The following ZNF782 variants were observed in gnomAD, a reference collection of about 807,000 sequenced individuals.
The protein encoded by ZNF782 is zinc finger protein 782.
In ZNF782, 12 loss-of-function variants were observed where a neutral mutation model predicts 13.0. That is an observed-to-expected ratio of 0.92 (90% CI 0.59 to 1.50). ZNF782 has a LOEUF of 1.50. ZNF782 is among the 40% of genes most tolerant of loss of function. The probability of loss-of-function intolerance (pLI) is 0.00; values close to 1 mark genes in which losing one functional copy is unlikely to be tolerated. For missense variants in ZNF782, 770 were observed against 822.9 expected (o/e 0.94, Z 0.79); for synonymous variants, 284 against 283.0 (o/e 1.00, Z -0.04).
chr9:96,844,115 A>G (rs971059756), intron 4 of ZNF782, among the ~76,000 whole-genome samples: 2 of 152,194 alleles, frequency 1.3e-5, no homozygotes, highest in African/African-American at 4.8e-5. Context: ...CCAAAGAGTA[A>G]TGAGAACTCA....
chr9:96,917,887 CGTGTGTGTGTGTGTGTGTGT>C, the ZNF782 span, among the ~76,000 whole-genome samples: 3 of 121,682 alleles, frequency 2.5e-5, no homozygotes, highest in African/African-American at 1.1e-4. Context: ...CCACCCTTGG[CGTGTGTGTGTGTGTGTGTGT>C]GTGTGTGTGT....
At chr9:96,893,253 G>T in the ZNF782 span, 12,115 of 152,148 alleles carry the variant, frequency 0.08, 1,453 homozygotes, top group African/African-American at 0.26. Flanking sequence ...GGGCAGAAAA[G>T]AATTAGAACA....
the ZNF782 span, chr9:96,890,983 G>A: frequency 5.3e-5 from 8 of 152,194 alleles, no homozygotes; most frequent in African/African-American, 1.9e-4. Context: ...TGTAAAACAT[G>A]AATGAACCTT....
At chr9:96,887,324 A>AGGGAGGGAGGGAG in the ZNF782 span, 1 of 150,642 alleles carries the variant, frequency 6.6e-6, no homozygotes, top group African/African-American at 2.5e-5. Flanking sequence ...GAAGGAAGGA[A>AGGGAGGGAGGGAG]GGAAGGAAGG....
chr9:96,914,956 G>A, the ZNF782 span, among the ~76,000 whole-genome samples: 2 of 149,896 alleles, frequency 1.3e-5, no homozygotes, highest in African/African-American at 4.9e-5. Flanking sequence ...CCTGAGAGAC[G>A]AAAGCACCAT....
At chr9:96,841,323 A>G (rs1564006233) in intron 4 of ZNF782, among the ~76,000 whole-genome samples, 1 of 152,006 alleles carries the variant, frequency 6.6e-6, no homozygotes, top group Non-Finnish European at 1.5e-5. Context: ...TTTAATGAAG[A>G]ATAAACACCA....
At chr9:96,858,291 G>A (rs1447614103), upstream of ZNF782, among the ~76,000 whole-genome samples, 1 of 152,196 alleles carries the variant, frequency 6.6e-6, no homozygotes, top group African/African-American at 2.4e-5. This position sits in a 1 kb window ranked among gnomAD's most constrained non-coding sequence, Gnocchi z 4.4. Flanking sequence ...TGAGTTAGAA[G>A]CTCTCCTCAG....
At chr9:96,848,716 T>C (rs1207479127) in intron 3 of ZNF782, among the ~76,000 whole-genome samples, 3 of 152,178 alleles carry the variant, frequency 2.0e-5, no homozygotes, top group South Asian at 4.1e-4. Context: ...TGCTCATGGA[T>C]TGGAAGAATC....
chr9:96,869,465 C>T (rs1464977884), intron 1 of ZNF782, among the ~76,000 whole-genome samples: 3 of 152,084 alleles, frequency 2.0e-5, no homozygotes, highest in African/African-American at 7.2e-5. Context: ...CTGTAATATA[C>T]CACAGTGCAG....
upstream of ZNF782, among the ~76,000 whole-genome samples, chr9:96,880,614 G>A (rs1851950553): frequency 2.0e-5 from 3 of 152,256 alleles, no homozygotes; most frequent in African/African-American, 7.2e-5. Context: ...TATTGAACCA[G>A]CCTTGCATTT....
intron 4 of ZNF782, among the ~76,000 whole-genome samples, chr9:96,839,859 A>G (rs1369179974): frequency 6.6e-6 from 1 of 152,080 alleles, no homozygotes; most frequent in Non-Finnish European, 1.5e-5. Context: ...TGTCCATTTT[A>G]TAGTTGCATA....
At chr9:96,920,490 T>A in the ZNF782 span, among the ~76,000 whole-genome samples, 48 of 147,186 alleles carry the variant, frequency 3.3e-4, no homozygotes, top group African/African-American at 1.2e-3. Context: ...ATGGTTTCGA[T>A]CTCCTGACCT....
intron 4 of ZNF782, among the ~76,000 whole-genome samples, chr9:96,844,647 T>C (rs1851293660): frequency 6.6e-6 from 1 of 152,164 alleles, no homozygotes; most frequent in Non-Finnish European, 1.5e-5. Flanking sequence ...GATAAAAATA[T>C]TCCAAACCAT....
At chr9:96,881,663 A>G in the ZNF782 span, among the ~76,000 whole-genome samples, 1 of 152,126 alleles carries the variant, frequency 6.6e-6, no homozygotes, top group Non-Finnish European at 1.5e-5. Flanking sequence ...TATTTATGGA[A>G]AAGACTATCC....
intron 1 of ZNF782, among the ~76,000 whole-genome samples, chr9:96,871,606 G>A (rs2118886600): frequency 1.3e-5 from 2 of 152,308 alleles, no homozygotes; most frequent in Admixed American, 1.3e-4. Context: ...GGCTTAAATG[G>A]CAGGATCACT....
At chr9:96,875,051 G>T (rs1309113184) in intron 1 of ZNF782, among the ~76,000 whole-genome samples, 1 of 152,230 alleles carries the variant, frequency 6.6e-6, no homozygotes, top group Non-Finnish European at 1.5e-5. Context: ...ACTTTGCTCA[G>T]TGCTGTAAAG....
chr9:96,887,710 C>T, the ZNF782 span: 1 of 152,158 alleles, frequency 6.6e-6, no homozygotes, highest in Non-Finnish European at 1.5e-5. Flanking sequence ...TATAAAGACA[C>T]TTGCACACGT....
At chr9:96,833,943 G>A (rs921876798) in intron 4 of ZNF782, among the ~76,000 whole-genome samples, 1 of 152,096 alleles carries the variant, frequency 6.6e-6, no homozygotes, top group African/African-American at 2.4e-5. Flanking sequence ...TCTTTCAGTT[G>A]GCTCCCCTGT....
At chr9:96,911,477 G>T in the ZNF782 span, among the ~76,000 whole-genome samples, 1 of 137,568 alleles carries the variant, frequency 7.3e-6, no homozygotes, top group East Asian at 2.3e-4. Context: ...TTTTTCTGTT[G>T]TCATTTTTGC....
Sources: allele counts gnomAD v4.1 joint callset (sites outside exome capture counted in the v4.1 genomes callset), GRCh38; gene constraint gnomAD v4.1.1; non-coding constraint Gnocchi (gnomAD v3.1); transcripts MANE v1.5; gene names NCBI Gene and HGNC (gene_info 2026-07-23, HGNC 2026-07-21).